Variants in AMPH observed in about 807,000 individuals in gnomAD.
The protein encoded by AMPH is amphiphysin.
In AMPH, 49 loss-of-function variants were observed where a neutral mutation model predicts 99.1. The ratio of observed to expected loss-of-function variants is 0.49; its 90% CI spans 0.39 to 0.63. The LOEUF (loss-of-function observed/expected upper bound fraction) is 0.63. AMPH is among the 20% of genes least tolerant of loss of function. The pLI, the probability that AMPH is intolerant of heterozygous loss-of-function variation, is 0.00. For synonymous variants in AMPH, 314 were observed against 317.3 expected (o/e 0.99, Z 0.11); for missense variants, 759 against 863.4 (o/e 0.88, Z 1.52).
chr7:38,488,949 C>G (rs542793410), intron 5 of AMPH, among the ~76,000 whole-genome samples: 270 of 149,958 alleles, frequency 1.8e-3, no homozygotes, highest in African/African-American at 6.5e-3. Flanking sequence ...CAATGCAATC[C>G]CTATCAAAAT....
intron 1 of AMPH, among the ~76,000 whole-genome samples, chr7:38,591,290 CTTTTTT>C (rs67135369): frequency 3.6e-5 from 5 of 138,746 alleles, no homozygotes; most frequent in Admixed American, 1.4e-4. Context: ...TTTTCTTTTT[CTTTTTT>C]TTTTTTTTGA....
At chr7:38,398,995 T>TTG (rs1211869814) in intron 17 of AMPH, among the ~76,000 whole-genome samples, 3 of 145,454 alleles carry the variant, frequency 2.1e-5, no homozygotes, top group Non-Finnish European at 3.1e-5. Flanking sequence ...CTGTGATTTT[T>TTG]GTCACATAAA....
At chr7:38,424,005 G>A (rs765519826) in intron 15 of AMPH, among the ~76,000 whole-genome samples, 48 of 152,182 alleles carry the variant, frequency 3.2e-4, no homozygotes, top group Non-Finnish European at 5.0e-4. Flanking sequence ...CCCCTCTCTC[G>A]CCACTCTGCT....
At chr7:38,484,967 T>A (rs76569789) in intron 5 of AMPH, among the ~76,000 whole-genome samples, 3,334 of 151,764 alleles carry the variant, frequency 0.022, 120 homozygotes, top group African/African-American at 0.076. Flanking sequence ...CAAAAATGCA[T>A]ATGGAAGTTA....
chr7:38,560,213 T>C (rs1205505610), intron 1 of AMPH, among the ~76,000 whole-genome samples: 1 of 152,190 alleles, frequency 6.6e-6, no homozygotes, highest in Non-Finnish European at 1.5e-5. Flanking sequence ...AAGTCCCTAC[T>C]CATGATTATA....
At chr7:38,388,967 A>T (rs952651128) in intron 20 of AMPH, among the ~76,000 whole-genome samples, 1 of 152,134 alleles carries the variant, frequency 6.6e-6, no homozygotes, top group Non-Finnish European at 1.5e-5. Context: ...TAAATTTCCA[A>T]TCTATTTTAT....
chr7:38,620,248 T>A (rs1794003062), intron 1 of AMPH, among the ~76,000 whole-genome samples: 2 of 151,930 alleles, frequency 1.3e-5, no homozygotes, highest in African/African-American at 4.8e-5. Context: ...TATTTCTCTC[T>A]CGCTCGTTCA....
At chr7:38,520,712 A>T (rs1279870468) in intron 2 of AMPH, among the ~76,000 whole-genome samples, 1 of 152,204 alleles carries the variant, frequency 6.6e-6, no homozygotes, top group Admixed American at 6.5e-5. Flanking sequence ...TTGTGAGTTG[A>T]CCTTAAAGAA....
intron 1 of AMPH, among the ~76,000 whole-genome samples, chr7:38,591,860 C>A (rs563807060): frequency 5.9e-5 from 9 of 152,306 alleles, no homozygotes; most frequent in African/African-American, 1.9e-4. Flanking sequence ...TCTTTCGCTG[C>A]ACATATTGCT....
intron 8 of AMPH, 110 bp from the exon 9 acceptor site, chr7:38,465,659 T>C (rs1787624546): frequency 3.2e-6 from 3 of 923,916 alleles, no homozygotes; most frequent in Admixed American, 4.7e-5. Flanking sequence ...AATTTTATGA[T>C]AGCTTGGATG....
chr7:38,587,601 C>T (rs560525647), intron 1 of AMPH, among the ~76,000 whole-genome samples: 1 of 152,112 alleles, frequency 6.6e-6, no homozygotes, highest in Non-Finnish European at 1.5e-5. Context: ...AAGGTAAGTC[C>T]TCTGAACTTA....
intron 9 of AMPH, chr7:38,464,105 G>A (rs1787560225): frequency 1.6e-6 from 2 of 1,289,470 alleles, no homozygotes; most frequent in South Asian, 1.2e-5. Flanking sequence ...ATTCTGCAGA[G>A]GAATGTTGAA....
chr7:38,559,795 C>T (rs1398966776), intron 1 of AMPH, among the ~76,000 whole-genome samples: 2 of 152,144 alleles, frequency 1.3e-5, no homozygotes, highest in African/African-American at 2.4e-5. Context: ...TCTGTGCTTT[C>T]GATAACCTAT....
chr7:38,596,983 C>T (rs555124449), intron 1 of AMPH, among the ~76,000 whole-genome samples: 10 of 152,326 alleles, frequency 6.6e-5, no homozygotes, highest in Non-Finnish European at 1.3e-4. Flanking sequence ...AGTCCCCTGC[C>T]GCCCGGCCCA....
At chr7:38,609,976 C>T (rs73364902) in intron 1 of AMPH, among the ~76,000 whole-genome samples, 2,559 of 151,756 alleles carry the variant, frequency 0.017, 71 homozygotes, top group African/African-American at 0.058. Context: ...CCTGTAATCC[C>T]ACCTGAGGGA....
At chr7:38,407,656 T>G (rs1584050298) in intron 17 of AMPH, among the ~76,000 whole-genome samples, 1 of 151,992 alleles carries the variant, frequency 6.6e-6, no homozygotes, top group Non-Finnish European at 1.5e-5. Context: ...AAATTAAATA[T>G]ACACTAAGGT....
intron 2 of AMPH, among the ~76,000 whole-genome samples, chr7:38,529,240 C>G (rs1044650885): frequency 1.3e-5 from 2 of 152,156 alleles, no homozygotes; most frequent in Non-Finnish European, 2.9e-5. Flanking sequence ...AAATCTTTAT[C>G]CATATTTATA....
chr7:38,392,380 T>TC (rs1784531993), intron 18 of AMPH, among the ~76,000 whole-genome samples: 1 of 7,800 alleles, frequency 1.3e-4, no homozygotes, highest in Admixed American at 1.7e-3. Context: ...CCTGGTTCTT[T>TC]TTTTTTTTTT....
chr7:38,619,936 T>C (rs974295630), intron 1 of AMPH, among the ~76,000 whole-genome samples: 5 of 152,172 alleles, frequency 3.3e-5, no homozygotes, highest in Admixed American at 2.0e-4. Context: ...AAATGTCTCA[T>C]ATATTAAAGA....
Sources: gnomAD v4.1 joint callset for allele counts (sites outside exome capture counted in the v4.1 genomes callset) on GRCh38, gnomAD v4.1.1 for gene constraint, MANE v1.5 for transcripts, NCBI Gene and HGNC (gene_info 2026-07-23, HGNC 2026-07-21) for gene names.